Variants in CEMIP2 observed in about 807,000 individuals in gnomAD.
CEMIP2 encodes cell migration inducing hyaluronidase 2.
Under a neutral mutation model 146.9 loss-of-function variants are expected in CEMIP2, and 79 were observed. That is an observed-to-expected ratio of 0.54 (90% confidence interval 0.45 to 0.65). The LOEUF (loss-of-function observed/expected upper bound fraction) is 0.65, where lower values mean the gene tolerates loss of function less well. CEMIP2 is among the 30% of genes least tolerant of loss of function. The probability of loss-of-function intolerance (pLI) is 0.00; values close to 1 mark genes in which losing one functional copy is unlikely to be tolerated. For missense variants in CEMIP2, 1,596 were observed against 1,696.2 expected (o/e 0.94, Z 1.04); for synonymous variants, 601 against 606.3 (o/e 0.99, Z 0.13).
intron 18 of CEMIP2, among the ~76,000 whole-genome samples, chr9:71,702,277 A>AC (rs1365770981): frequency 6.6e-6 from 1 of 151,060 alleles, no homozygotes; most frequent in Non-Finnish European, 1.5e-5. Flanking sequence ...AAAAAAAAAA[A>AC]AAATATTGTT....
In CEMIP2 at chr9:71,709,169, T is replaced by C. The variant is rs1315259865; in HGVS notation, c.2985+90A>G. 1.1e-5 allele frequency: 13 copies of C among 1,210,148 alleles called. No individual in the cohort carries two copies. In the East Asian group the frequency reaches 2.8e-4, roughly 26 times the overall value. 75.0% of individuals were successfully genotyped at this position (1,210,148 alleles called of 1,614,324 possible). A position where few individuals can be genotyped will look rare whatever the true frequency, so the allele number is the denominator to read the frequency against. Reference sequence around the variant, plus strand: ...TAGATCATACTTTGGAAAATGTCAATCACACTGAAAAGCTGAAGAGTACTT... The same window carrying C: ...TAGATCATACTTTGGAAAATGTCAACCACACTGAAAAGCTGAAGAGTACTT... On this transcript the variant is annotated intron_variant, in intron 17 of 23. Coordinates refer to ENST00000377044, the MANE Select transcript of CEMIP2 (RefSeq NM_013390.3).
Position 71,747,822 on chromosome 9 carries a change from A to G in CEMIP2, c.332-1481T>C, listed in dbSNP as rs780327767. On this transcript the variant is annotated intron_variant, in intron 2 of 23. Transcript: ENST00000377044. Reference sequence around the variant, plus strand: ...GTTTATGCTTTCTCTTATTAACCACAGCTACAATTAGCCTCACCAGTTATA... The same window carrying G: ...GTTTATGCTTTCTCTTATTAACCACGGCTACAATTAGCCTCACCAGTTATA... Among the ~76,000 whole-genome samples the G allele has an allele frequency of 5.3e-5, 8 of 152,212 alleles. 1 individual carries two copies. The highest frequency in any genetic ancestry group is 2.1e-4 in the South Asian group (1 of 4,832).
At chr9:71,719,567 C>T (rs529454010) in intron 12 of CEMIP2, among the ~76,000 whole-genome samples, 1 of 152,148 alleles carries the variant, frequency 6.6e-6, no homozygotes, top group Middle Eastern at 3.4e-3. Flanking sequence ...CTAAGGAGAC[C>T]AGTCAGAAGG....
chr9:71,716,351 G>GA lies in CEMIP2; in HGVS notation c.2435+165dup, dbSNP rs5898225. Among the ~76,000 whole-genome samples the GA allele has an allele frequency of 2.0e-3, 303 of 148,412 alleles. 2 individuals are homozygous for GA. Among genetic ancestry groups the GA allele is most frequent in the Middle Eastern group, 0.01 (3 of 292 alleles). ...CTTTGCTATGAATTCAATTAATCCAGAAAAAAAAAAATGTATTTTTGGCCC... is the reference window on the plus strand; with the variant it reads ...CTTTGCTATGAATTCAATTAATCCAGAAAAAAAAAAAATGTATTTTTGGCCC... On this transcript the variant is annotated intron_variant, in intron 14 of 23. Coordinates refer to ENST00000377044, the MANE Select transcript of CEMIP2 (RefSeq NM_013390.3).
At chr9:71,713,463 T>C (rs1589139413) in intron 15 of CEMIP2, among the ~76,000 whole-genome samples, 1 of 152,206 alleles carries the variant, frequency 6.6e-6, no homozygotes, top group South Asian at 2.1e-4. Context: ...CTCAGGTATG[T>C]CTTTATCAGC....
At chr9:71,743,136 T>A (rs1187212838) in intron 4 of CEMIP2, among the ~76,000 whole-genome samples, 1 of 151,964 alleles carries the variant, frequency 6.6e-6, no homozygotes, top group Non-Finnish European at 1.5e-5. Flanking sequence ...AACATAACAC[T>A]GTGCAAAGAA....
At chr9:71,739,587 G>A (rs1029245137) in intron 5 of CEMIP2, among the ~76,000 whole-genome samples, 11 of 151,148 alleles carry the variant, frequency 7.3e-5, no homozygotes, top group Admixed American at 5.9e-4. Flanking sequence ...ATCTCTTCAC[G>A]CCAAGCCCAG....
intron 10 of CEMIP2, among the ~76,000 whole-genome samples, chr9:71,728,285 A>ATATATATATATATACG (rs1823491896): frequency 3.7e-5 from 1 of 27,310 alleles, no homozygotes. Context: ...ATATATGTAT[A>ATATATATATATATACG]TATATATATA....
At position 71,734,971 on chromosome 9, in the gene CEMIP2, C is replaced by A. The variant is rs753117123; in HGVS notation, c.1228G>T (p.Val410Leu). 2.5e-6 allele frequency: 4 copies of A among 1,609,876 alleles called. No individual in the cohort carries two copies. The highest frequency in any genetic ancestry group is 3.4e-6 in the Non-Finnish European group (4 of 1,178,920). Residue 410 changes from valine to leucine, a missense_variant, in exon 6 of 24, where the codon GTA (valine) becomes TTA (leucine). Physicochemically the swap from Val to Leu is conservative, Grantham distance 32. Transcript: ENST00000377044. ...AGCTTCACTCCATCTACAACCTCTACCCGGAATCCTGAAAGAGAAACGCCT... is the reference window on the plus strand; with the variant it reads ...AGCTTCACTCCATCTACAACCTCTAACCGGAATCCTGAAAGAGAAACGCCT... ...IEGVSLSGFRVEVVDGVKLNL... is the reference protein window; with the variant it reads ...IEGVSLSGFRLEVVDGVKLNL...
At chr9:71,757,096 C>G (rs192116697) in intron 1 of CEMIP2, among the ~76,000 whole-genome samples, 19 of 152,290 alleles carry the variant, frequency 1.2e-4, no homozygotes, top group African/African-American at 4.6e-4. Context: ...CACTTGCCCC[C>G]TAGGCTATAT....
chr9:71,723,465 C>T (rs773856600), intron 11 of CEMIP2, among the ~76,000 whole-genome samples: 17 of 151,186 alleles, frequency 1.1e-4, no homozygotes, highest in Admixed American at 7.2e-4. Context: ...ACAGATAAAA[C>T]GAAAATTATT....
chr9:71,699,445 C>T (rs1438753273), intron 19 of CEMIP2: 7 of 372,998 alleles, frequency 1.9e-5, no homozygotes, highest in Admixed American at 3.4e-5. Flanking sequence ...AGGGATACAC[C>T]GTCTCTTAAA....
chr9:71,752,976 C>G (rs1247426297), intron 1 of CEMIP2, among the ~76,000 whole-genome samples: 1 of 152,080 alleles, frequency 6.6e-6, no homozygotes, highest in Non-Finnish European at 1.5e-5. Flanking sequence ...AGCTTCATGA[C>G]AAAAGAAAAA....
At chr9:71,745,933 T>C (rs1234723228) in intron 3 of CEMIP2, among the ~76,000 whole-genome samples, 1 of 152,210 alleles carries the variant, frequency 6.6e-6, no homozygotes, top group Non-Finnish European at 1.5e-5. Flanking sequence ...CTCTGAGAGA[T>C]CACCTCTCTG....
intron 1 of CEMIP2, among the ~76,000 whole-genome samples, chr9:71,752,052 A>G (rs1398343843): frequency 6.6e-6 from 1 of 152,186 alleles, no homozygotes; most frequent in Non-Finnish European, 1.5e-5. Flanking sequence ...CAACAAATCT[A>G]TAAGGTAGAT....
At position 71,719,842 on chromosome 9, in the gene CEMIP2, CAA is replaced by C. The variant is rs34555277; in HGVS notation, c.2268-1765_2268-1764del. Reference sequence around the variant, plus strand: ...GGAGACATACTGTTCTAAACGAAAGCAAAAAAAAAAAAAAAAAAAGAGTACTA... The same window carrying C: ...GGAGACATACTGTTCTAAACGAAAGCAAAAAAAAAAAAAAAAAGAGTACTA... On this transcript the variant is annotated intron_variant, in intron 12 of 23. Coordinates refer to ENST00000377044, the MANE Select transcript of CEMIP2 (RefSeq NM_013390.3). Among the ~76,000 whole-genome samples, 103 of 93,204 alleles carry C rather than the reference CAA, an allele frequency of 1.1e-3. 2 individuals are homozygous for C. The highest frequency in any genetic ancestry group is 4.6e-3 in the Admixed American group (35 of 7,560). 61.1% of individuals were successfully genotyped at this position (93,204 alleles called of 152,430 possible). A position where few individuals can be genotyped will look rare whatever the true frequency, so the allele number is the denominator to read the frequency against.
chr9:71,719,830 T>C (rs1212391214), intron 12 of CEMIP2, among the ~76,000 whole-genome samples: 1 of 65,852 alleles, frequency 1.5e-5, no homozygotes, highest in Non-Finnish European at 3.3e-5. Flanking sequence ...GACATACTGT[T>C]CTAAACGAAA....
chr9:71,686,860 G>A (rs1005274451), intron 22 of CEMIP2: 1 of 152,010 alleles, frequency 6.6e-6, no homozygotes, highest in African/African-American at 2.4e-5. Flanking sequence ...TGTAACATGG[G>A]AGAATGGTTT....
intron 6 of CEMIP2, among the ~76,000 whole-genome samples, chr9:71,732,727 G>C (rs1159548456): frequency 5.6e-5 from 5 of 88,888 alleles, no homozygotes; most frequent in Non-Finnish European, 7.7e-5. Context: ...TTTTTTGTGA[G>C]ACGGAGTCTC....
Sources: gnomAD v4.1 joint callset for allele counts (sites outside exome capture counted in the v4.1 genomes callset) on GRCh38, gnomAD v4.1.1 for gene constraint, MANE v1.5 for transcripts, NCBI Gene and HGNC (gene_info 2026-07-23, HGNC 2026-07-21) for gene names.